Variants in MR1 observed in about 807,000 individuals in gnomAD.
The protein encoded by MR1 is major histocompatibility complex, class I-related.
A neutral mutation model predicts 37.8 loss-of-function variants in MR1; 44 were observed. The observed-to-expected ratio is 1.16, with a 90% CI of 0.91 to 1.50. The LOEUF is 1.50. Among genes scored for constraint, MR1 ranks in the 40% most tolerant of loss-of-function variants. The pLI, the probability that MR1 is intolerant of heterozygous loss-of-function variation, is 0.00. For missense variants in MR1, 386 were observed against 419.1 expected, an observed-to-expected ratio of 0.92 and a Z score of 0.69; for synonymous variants, 153 against 155.8, an observed-to-expected ratio of 0.98 and a Z score of 0.13.
At chr1:181,049,002 T>G (rs10910853) in intron 1 of MR1, 50 bp from the exon 2 acceptor site, 1 of 1,583,186 alleles carries the variant, frequency 6.3e-7, no homozygotes, top group Non-Finnish European at 8.6e-7. Flanking sequence ...AGTTGAAGGA[T>G]CTGGATCATC....
At chr1:181,047,231 G>A (rs1657934641) in intron 1 of MR1, among the ~76,000 whole-genome samples, 1 of 151,868 alleles carries the variant, frequency 6.6e-6, no homozygotes, top group Non-Finnish European at 1.5e-5. Context: ...CTTATAACTA[G>A]TAAGTAGAAA....
chr1:181,048,922 A>C, intron 1 of MR1, 130 bp from the exon 2 acceptor site: 3 of 1,206,690 alleles, frequency 2.5e-6, no homozygotes, highest in Non-Finnish European at 3.5e-6. Context: ...TGTAAGAGGA[A>C]ATGGCAGCTG....
chr1:181,038,794 T>C (rs529020390), intron 1 of MR1, among the ~76,000 whole-genome samples: 1 of 152,350 alleles, frequency 6.6e-6, no homozygotes, highest in East Asian at 1.9e-4. Flanking sequence ...TTAATCTCTC[T>C]GCACCTATTT....
intron 1 of MR1, among the ~76,000 whole-genome samples, chr1:181,045,795 G>C (rs979210617): frequency 2.6e-5 from 4 of 152,246 alleles, no homozygotes; most frequent in African/African-American, 9.6e-5. Flanking sequence ...GCTGGCCAAA[G>C]CCGGAGCCCG....
Position 181,061,493 on chromosome 1 carries a change from T to C in MR1, c.*6228T>C, listed in dbSNP as rs1558126829. ...TGCACACCAGAATGAATGAATTGAA[T>C]TGAAAGGGAGGAGTGATGGTGGAAA... is the stretch of plus-strand genomic sequence containing the variant. On this transcript the variant is annotated 3_prime_UTR_variant, in exon 6 of 6. Coordinates refer to ENST00000367580, the MANE Select transcript of MR1 (RefSeq NM_001385161.1). The C allele has an allele frequency of 6.6e-6, 1 of 151,894 alleles. No homozygotes were observed. Among genetic ancestry groups the C allele is most frequent in the Admixed American group, 6.6e-5 (1 of 15,256 alleles). 9.4% of individuals were successfully genotyped at this position (151,894 alleles called of 1,614,324 possible). A position where few individuals can be genotyped will look rare whatever the true frequency, so the allele number is the denominator to read the frequency against.
chr1:181,052,590 G>GTGATCTATCCTCCCCTCCCT, intron 4 of MR1, 80 bp downstream of exon 4: 1 of 1,463,902 alleles, frequency 6.8e-7, no homozygotes, highest in Non-Finnish European at 9.3e-7. Flanking sequence ...CTGCCAGGGA[G>GTGATCTATCCTCCCCTCCCT]GGGAGGATAG....
chr1:181,052,109 T>C, intron 3 of MR1, 126 bp from the exon 4 acceptor site: 1 of 1,068,622 alleles, frequency 9.4e-7, no homozygotes, highest in East Asian at 2.5e-5. Context: ...ACCTGAGTTC[T>C]GGGTCATTCT....
At chr1:181,053,738 A>G in intron 5 of MR1, 61 bp downstream of exon 5, 1 of 1,221,262 alleles carries the variant, frequency 8.2e-7, no homozygotes, top group Non-Finnish European at 1.2e-6. Flanking sequence ...CTCCAGTTTT[A>G]TTTTCTGCAC....
At chr1:181,054,257 T>C (rs912299188) in intron 5 of MR1, among the ~76,000 whole-genome samples, 1 of 152,206 alleles carries the variant, frequency 6.6e-6, no homozygotes, top group Non-Finnish European at 1.5e-5. Context: ...TAAGTATACA[T>C]TAATGACCTA....
chr1:181,056,496 A>C lies in MR1; in HGVS notation c.*1231A>C, dbSNP rs1220547385. ...AGCTGGGCATGACTTGCCTTCCTAC[A>C]TAGGTTGTCTTCATACATATGCACT... On this transcript the variant is annotated 3_prime_UTR_variant, in exon 6 of 6. Transcript: ENST00000367580. 6.6e-6 allele frequency: 1 copy of C among 151,946 alleles called. No individual in the cohort carries two copies. 9.4% of individuals were successfully genotyped at this position (151,946 alleles called of 1,614,324 possible).
chr1:181,056,253 A>G lies in MR1; in HGVS notation c.*988A>G, dbSNP rs979439947. On this transcript the variant is annotated 3_prime_UTR_variant, in exon 6 of 6. Transcript: ENST00000367580. ...GTGTTGCGTGCCTGTAGTCCCAGCT[A>G]CTTGGGAGGCTGAGACAGGGGAATT... The G allele has an allele frequency of 6.6e-6, 1 of 151,946 alleles. No individual in the cohort carries two copies. Among genetic ancestry groups the G allele is most frequent in the African/African-American group, 2.4e-5 (1 of 41,372 alleles). The allele number at this position is 151,946 out of a possible 1,614,324, so 9.4% of individuals were successfully genotyped here. A position where few individuals can be genotyped will look rare whatever the true frequency, so the allele number is the denominator to read the frequency against.
At chr1:181,037,951 C>G (rs538991138) in intron 1 of MR1, among the ~76,000 whole-genome samples, 3 of 152,222 alleles carry the variant, frequency 2.0e-5, no homozygotes, top group Non-Finnish European at 2.9e-5. Context: ...GTCCCTCTAT[C>G]TAAAAGATCA....
At chr1:181,038,007 C>G (rs1320250156) in intron 1 of MR1, among the ~76,000 whole-genome samples, 1 of 152,204 alleles carries the variant, frequency 6.6e-6, no homozygotes, top group African/African-American at 2.4e-5. Flanking sequence ...TACTTTTCTT[C>G]ATAATCTTTA....
chr1:181,035,022 T>G (rs1042249686), intron 1 of MR1, among the ~76,000 whole-genome samples: 40 of 152,170 alleles, frequency 2.6e-4, no homozygotes, highest in African/African-American at 8.9e-4. Context: ...ATCATATGGC[T>G]GGGAGTGGTG....
Position 181,053,560 on chromosome 1 carries a change from T to C in MR1, c.881-13T>C. 6.3e-7 allele frequency: 1 copy of C among 1,599,214 alleles called. No individual in the cohort carries two copies. Among genetic ancestry groups the C allele is most frequent in the African/African-American group, 1.3e-5 (1 of 74,774 alleles). ...GGGGACTTGTGGATTTTTTCTCATT[T>C]GCTTGCTTTCAGAATCAGAAACTAT... is the stretch of plus-strand genomic sequence containing the variant. On this transcript the variant is annotated splice_polypyrimidine_tract_variant and intron_variant, in intron 4 of 5. Transcript: ENST00000367580.
rs373825850 is a variant in MR1, at chr1:181,056,012, A to C, written c.*747A>C. 3 of 152,300 alleles carry C rather than the reference A, an allele frequency of 2.0e-5. No homozygotes were observed. In the East Asian group the frequency reaches 5.8e-4, roughly 29 times the overall value. 9.4% of individuals were successfully genotyped at this position (152,300 alleles called of 1,614,324 possible). A position where few individuals can be genotyped will look rare whatever the true frequency, so the allele number is the denominator to read the frequency against. On this transcript the variant is annotated 3_prime_UTR_variant, in exon 6 of 6. Transcript: ENST00000367580. The stretch of plus-strand genomic sequence containing the variant: ...AAATTAAGAGAAATAATTATCAGAC[A>C]TATCATCACCTCCAGTGGAACTACA...
At position 181,059,561 on chromosome 1, in the gene MR1, G is replaced by T. The variant is rs1463601207; in HGVS notation, c.*4296G>T. 6.6e-6 allele frequency: 1 copy of T among 152,500 alleles called. No individual in the cohort carries two copies. Among genetic ancestry groups the T allele is most frequent in the Non-Finnish European group, 1.5e-5 (1 of 68,256 alleles). The allele number at this position is 152,500 out of a possible 1,614,324, so 9.4% of individuals were successfully genotyped here. ...AGCCAGGGGTGGTGGCCAGGCATCAGCTACATCTCCTCCATGTAGTCTCAG... is the reference window on the plus strand; with the variant it reads ...AGCCAGGGGTGGTGGCCAGGCATCATCTACATCTCCTCCATGTAGTCTCAG... On this transcript the variant is annotated 3_prime_UTR_variant, in exon 6 of 6. Transcript: ENST00000367580.
intron 1 of MR1, among the ~76,000 whole-genome samples, chr1:181,040,907 C>T (rs754380994): frequency 2.0e-5 from 3 of 151,944 alleles, no homozygotes; most frequent in African/African-American, 4.8e-5. Flanking sequence ...CGTGGTGAAA[C>T]CCCATCTCTA....
chr1:181,047,699 C>G (rs1485593278), intron 1 of MR1, among the ~76,000 whole-genome samples: 1 of 151,452 alleles, frequency 6.6e-6, no homozygotes, highest in African/African-American at 2.4e-5. Context: ...AGTTTGAGAC[C>G]AGCCTGGTCA....
Sources: gnomAD v4.1 joint callset for allele counts (sites outside exome capture counted in the v4.1 genomes callset) on GRCh38, gnomAD v4.1.1 for gene constraint, MANE v1.5 for transcripts, NCBI Gene and HGNC (gene_info 2026-07-23, HGNC 2026-07-21) for gene names.